Variants in PAX5 observed in about 807,000 individuals in gnomAD.
The protein encoded by PAX5 is paired box 5.
A neutral mutation model predicts 43.7 loss-of-function variants in PAX5; 9 were observed. The ratio of observed to expected loss-of-function variants is 0.21; its 90% CI spans 0.12 to 0.36. The LOEUF is 0.36. Among genes scored for constraint, PAX5 ranks in the 10% least tolerant of loss-of-function variants. The pLI is 1.00. For missense variants in PAX5, 383 were observed against 532.7 expected (o/e 0.72, Z 2.77); for synonymous variants, 228 against 214.3 (o/e 1.06, Z -0.56).
At chr9:36,981,194 CCCT>C (rs1405195882) in intron 5 of PAX5, among the ~76,000 whole-genome samples, 1,827 of 140,738 alleles carry the variant, frequency 0.013, 56 homozygotes, top group African/African-American at 0.043. Flanking sequence ...AGCCCCCCCC[CCCT>C]CAGCCCTGCT....
In PAX5 at chr9:37,002,780, C is replaced by A. The variant is rs369031252; in HGVS notation, c.476-4G>T. 1.2e-6 allele frequency: 2 copies of A among 1,606,284 alleles called. No individual in the cohort carries two copies. Among genetic ancestry groups the A allele is most frequent in the Non-Finnish European group, 8.5e-7 (1 of 1,177,100 alleles). On this transcript the variant is annotated splice_region_variant and splice_polypyrimidine_tract_variant and intron_variant, in intron 4 of 9. Transcript: ENST00000358127. Reference sequence around the variant, plus strand: ...TGCGTCACGGAGCCAGTGGACACTGCGCGGAGAAAGACGGGCGGTCAGGGC... The same window carrying A: ...TGCGTCACGGAGCCAGTGGACACTGAGCGGAGAAAGACGGGCGGTCAGGGC...
rs1841305629 is a variant in PAX5 at position 37,034,106 on chromosome 9, T to TTTC, written c.-76_-75insGAA. 1 of 770,318 alleles carries TTTC rather than the reference T, an allele frequency of 1.3e-6. No individual in the cohort carries two copies. The highest frequency in any genetic ancestry group is 1.9e-5 in the African/African-American group (1 of 51,578). The allele number at this position is 770,318 out of a possible 1,614,324, so 47.7% of individuals were successfully genotyped here. Reference sequence around the variant, plus strand: ...TTTGTGCCTTTTTTTTTCTTTTTTTTTTTTTTTTTTTTTTTTTTTTGGTGC... The same window carrying TTTC: ...TTTGTGCCTTTTTTTTTCTTTTTTTTTTCTTTTTTTTTTTTTTTTTTTTGGTGC... On this transcript the variant is annotated 5_prime_UTR_variant, in exon 1 of 10. Transcript: ENST00000358127.
chr9:37,009,548 C>T (rs549421336), intron 3 of PAX5, among the ~76,000 whole-genome samples: 5 of 151,890 alleles, frequency 3.3e-5, no homozygotes, highest in African/African-American at 7.2e-5. Flanking sequence ...AAGGCGAGGG[C>T]GGTGGGGGAG....
intron 8 of PAX5, among the ~76,000 whole-genome samples, chr9:36,869,830 A>ATG (rs1563914386): frequency 1.9e-4 from 27 of 141,724 alleles, no homozygotes; most frequent in Middle Eastern, 4.2e-3. Flanking sequence ...ATGGATGAAT[A>ATG]GATGGATGGA....
rs767107203 is a variant in PAX5, at chr9:36,833,686, C to T, written c.*6874G>A. 4.7e-5 allele frequency: 11 copies of T among 232,270 alleles called. No homozygotes were observed. The highest frequency in any genetic ancestry group is 6.8e-5 in the Non-Finnish European group (8 of 117,870). The allele number at this position is 232,270 out of a possible 1,614,324, so 14.4% of individuals were successfully genotyped here. A position where few individuals can be genotyped will look rare whatever the true frequency, so the allele number is the denominator to read the frequency against. On this transcript the variant is annotated 3_prime_UTR_variant, in exon 10 of 10. Transcript: ENST00000358127. ...TATTATTACACACAAAAGCAACACA[C>T]GTCACTAAGAAAAAAACCACCAATA...
chr9:36,882,130 C>T lies in PAX5; in HGVS notation c.911-25G>A, dbSNP rs559470837. The T allele has an allele frequency of 6.5e-7, 1 of 1,546,634 alleles. No individual in the cohort carries two copies. Among genetic ancestry groups the T allele is most frequent in the South Asian group, 1.2e-5 (1 of 83,938 alleles). ...CCTGAGGAATCAAAGCAACAAATCA[C>T]AGGGTGAGCATCTTCGCGGCCAGCC... On this transcript the variant is annotated intron_variant, in intron 7 of 9. Transcript: ENST00000358127. This position sits in a 1 kb window ranked among gnomAD's most constrained non-coding sequence, Gnocchi z 4.4.
At chr9:36,991,762 G>C (rs2132330897) in intron 5 of PAX5, among the ~76,000 whole-genome samples, 1 of 148,912 alleles carries the variant, frequency 6.7e-6, no homozygotes. Flanking sequence ...GGTGCCACCT[G>C]GTGGCTGGTG....
intron 6 of PAX5, among the ~76,000 whole-genome samples, chr9:36,924,849 G>GGGAGAGACGGAGGGAGGGAA (rs1563973912): frequency 0.088 from 173 of 1,972 alleles, no homozygotes; most frequent in Non-Finnish European, 0.13. Flanking sequence ...AAGGGAGGGA[G>GGGAGAGACGGAGGGAGGGAA]GGAGGAGGGA....
In PAX5 at chr9:36,835,584, G is replaced by A. The variant is rs1006012623; in HGVS notation, c.*4976C>T. ...AAGGGGCTGAAGGGGCTGCTGGGAGGTGGGGCACGCCGTGGGCTAGGAGTC... is the reference window on the plus strand; with the variant it reads ...AAGGGGCTGAAGGGGCTGCTGGGAGATGGGGCACGCCGTGGGCTAGGAGTC... On this transcript the variant is annotated 3_prime_UTR_variant, in exon 10 of 10. Coordinates refer to ENST00000358127, the MANE Select transcript of PAX5 (RefSeq NM_016734.3). The A allele has an allele frequency of 1.7e-5, 4 of 233,312 alleles. No homozygotes were observed. Among genetic ancestry groups the A allele is most frequent in the East Asian group, 6.0e-5 (1 of 16,604 alleles). The allele number at this position is 233,312 out of a possible 1,614,324, so 14.5% of individuals were successfully genotyped here.
intron 7 of PAX5, among the ~76,000 whole-genome samples, chr9:36,908,198 C>CAA (rs35684707): frequency 7.1e-5 from 8 of 113,196 alleles, no homozygotes; most frequent in South Asian, 3.0e-4. Context: ...GACCCTGTTT[C>CAA]AAAAAAAAAA....
At chr9:37,018,781 C>T (rs886902777) in intron 2 of PAX5, among the ~76,000 whole-genome samples, 1 of 152,170 alleles carries the variant, frequency 6.6e-6, no homozygotes, top group Admixed American at 6.5e-5. Flanking sequence ...CGGCGCGTAA[C>T]TTCCGAGTGC....
chr9:36,886,340 T>C (rs534166329), intron 7 of PAX5, among the ~76,000 whole-genome samples: 10 of 152,294 alleles, frequency 6.6e-5, no homozygotes, highest in South Asian at 2.1e-4. Context: ...TAAGAACACG[T>C]ATCAAATTCC....
At chr9:36,923,537 C>G in intron 6 of PAX5, 53 bp from the exon 7 acceptor site, 2 of 1,561,294 alleles carry the variant, frequency 1.3e-6, no homozygotes, top group Non-Finnish European at 1.7e-6. Context: ...GTACCTTAGT[C>G]AAATGCCAAC....
chr9:36,866,377 G>T (rs1234688330), intron 8 of PAX5, among the ~76,000 whole-genome samples: 1 of 152,138 alleles, frequency 6.6e-6, no homozygotes, highest in Non-Finnish European at 1.5e-5. Flanking sequence ...GCTGTGCCCC[G>T]GCGTACCTGC....
chr9:36,976,742 A>G (rs538250747), intron 5 of PAX5, among the ~76,000 whole-genome samples: 1 of 152,364 alleles, frequency 6.6e-6, no homozygotes, highest in South Asian at 2.1e-4. Context: ...AAATACGTTC[A>G]GGTTTGACCA....
intron 8 of PAX5, among the ~76,000 whole-genome samples, chr9:36,869,675 C>T (rs1456682343): frequency 6.6e-6 from 1 of 152,248 alleles, no homozygotes; most frequent in Non-Finnish European, 1.5e-5. Context: ...TAGCCCCTCA[C>T]AGATTTGCCT....
chr9:36,876,425 G>A (rs1020622635), intron 8 of PAX5, among the ~76,000 whole-genome samples: 1 of 152,220 alleles, frequency 6.6e-6, no homozygotes, highest in African/African-American at 2.4e-5. Flanking sequence ...GGCACCCACC[G>A]GTTCCTCAAA....
At chr9:36,877,714 T>C (rs1251017857) in intron 8 of PAX5, among the ~76,000 whole-genome samples, 2 of 152,186 alleles carry the variant, frequency 1.3e-5, no homozygotes, top group East Asian at 1.9e-4. Context: ...AAACACTGAG[T>C]TGAAGTTCTC....
At chr9:37,022,048 C>T (rs1380915028) in intron 1 of PAX5, among the ~76,000 whole-genome samples, 2 of 152,144 alleles carry the variant, frequency 1.3e-5, no homozygotes, top group Non-Finnish European at 2.9e-5. Context: ...TCATGAACCT[C>T]ATCTGAAATA....
Sources: gnomAD v4.1 joint callset for allele counts (sites outside exome capture counted in the v4.1 genomes callset) on GRCh38, gnomAD v4.1.1 for gene constraint, Gnocchi (gnomAD v3.1) non-coding constraint, MANE v1.5 for transcripts, NCBI Gene and HGNC (gene_info 2026-07-23, HGNC 2026-07-21) for gene names.